Variants in DLGAP2 observed in about 807,000 individuals in gnomAD.
DLGAP2 encodes the protein DLG associated protein 2, also known as disks large-associated protein 2.
DLGAP2 carries 26 observed loss-of-function variants against 100.3 expected under a neutral mutation model. That is an observed-to-expected ratio of 0.26 (90% CI 0.19 to 0.36). The LOEUF is 0.36. Among genes scored for constraint, DLGAP2 ranks in the 10% least tolerant of loss-of-function variants. The probability of loss-of-function intolerance (pLI) is 1.00; values close to 1 mark genes in which losing one functional copy is unlikely to be tolerated. For missense variants in DLGAP2, 1,858 were observed against 1,453.2 expected, an observed-to-expected ratio of 1.28 and a Z score of -4.53; for synonymous variants, 886 against 630.1, an observed-to-expected ratio of 1.41 and a Z score of -6.08.
At chr8:1,155,675 G>C (rs1469990661) in intron 2 of DLGAP2, among the ~76,000 whole-genome samples, 1 of 151,578 alleles carries the variant, frequency 6.6e-6, no homozygotes, top group Non-Finnish European at 1.5e-5. Flanking sequence ...AGGCCCCTCC[G>C]AGGCCCCCAG....
intron 1 of DLGAP2, among the ~76,000 whole-genome samples, chr8:832,564 A>G (rs1309591625): frequency 3.3e-5 from 5 of 152,228 alleles, no homozygotes; most frequent in Non-Finnish European, 5.9e-5. Flanking sequence ...TGATACTATT[A>G]AAGTTTTCTA....
chr8:1,205,694 C>T (rs114008333), intron 2 of DLGAP2, among the ~76,000 whole-genome samples: 1 of 152,174 alleles, frequency 6.6e-6, no homozygotes, highest in Non-Finnish European at 1.5e-5. Flanking sequence ...GACCGGAGCA[C>T]TGGGATTCGG....
chr8:1,419,158 A>T (rs1416870052), intron 3 of DLGAP2, among the ~76,000 whole-genome samples: 1 of 152,134 alleles, frequency 6.6e-6, no homozygotes, highest in African/African-American at 2.4e-5. Context: ...GTTGACTCAT[A>T]ATAATTGTAC....
chr8:1,143,292 C>G (rs1796552370), intron 2 of DLGAP2, among the ~76,000 whole-genome samples: 1 of 152,182 alleles, frequency 6.6e-6, no homozygotes, highest in African/African-American at 2.4e-5. Context: ...ACATAGACAT[C>G]CTAAGCAGGG....
At chr8:1,297,299 C>G (rs1800204590) in intron 3 of DLGAP2, 1 of 152,254 alleles carries the variant, frequency 6.6e-6, no homozygotes, top group Admixed American at 6.5e-5. Context: ...AAAAACATGT[C>G]TCCCCTGCTG....
intron 2 of DLGAP2, among the ~76,000 whole-genome samples, chr8:1,142,297 A>G (rs936937896): frequency 1.3e-5 from 2 of 152,192 alleles, no homozygotes; most frequent in Non-Finnish European, 1.5e-5. Flanking sequence ...CTGAAGAAAA[A>G]AAGTACGACA....
intron 12 of DLGAP2, among the ~76,000 whole-genome samples, chr8:1,684,386 G>C (rs1799059015): frequency 6.6e-6 from 1 of 151,978 alleles, no homozygotes; most frequent in African/African-American, 2.4e-5. Context: ...AAGGTAAGAT[G>C]ATAACCTTAA....
intron 1 of DLGAP2, among the ~76,000 whole-genome samples, chr8:876,088 C>T (rs1416478800): frequency 6.6e-6 from 1 of 152,122 alleles, no homozygotes; most frequent in African/African-American, 2.4e-5. Context: ...ATATGTTACA[C>T]ATATATTTTT....
At chr8:1,561,631 G>A (rs1443464855) in intron 5 of DLGAP2, among the ~76,000 whole-genome samples, 3 of 152,214 alleles carry the variant, frequency 2.0e-5, no homozygotes, top group Admixed American at 6.5e-5. Context: ...CTACAGCTGT[G>A]ATCCACCTGC....
intron 2 of DLGAP2, among the ~76,000 whole-genome samples, chr8:1,143,841 G>C (rs1321047752): frequency 3.3e-5 from 5 of 152,198 alleles, no homozygotes; most frequent in African/African-American, 1.2e-4. Context: ...ACCTGCACCT[G>C]TGCCCCTCAC....
intron 3 of DLGAP2, among the ~76,000 whole-genome samples, chr8:1,272,959 AC>A (rs1331885306): frequency 6.6e-6 from 1 of 152,134 alleles, no homozygotes; most frequent in Non-Finnish European, 1.5e-5. Flanking sequence ...GGGTTATGGA[AC>A]CTGGGAAGGA....
At chr8:1,264,624 A>G (rs1206163290) in intron 3 of DLGAP2, among the ~76,000 whole-genome samples, 1 of 152,180 alleles carries the variant, frequency 6.6e-6, no homozygotes, top group Non-Finnish European at 1.5e-5. Context: ...CAGAATCAAA[A>G]TCACAAACTA....
intron 1 of DLGAP2, among the ~76,000 whole-genome samples, chr8:849,836 G>A (rs1174296071): frequency 6.6e-6 from 1 of 152,108 alleles, no homozygotes; most frequent in East Asian, 1.9e-4. Context: ...CCAGCACTTT[G>A]GGAGGCCAAG....
chr8:1,111,256 G>A (rs1423334030), intron 2 of DLGAP2, among the ~76,000 whole-genome samples: 1 of 152,214 alleles, frequency 6.6e-6, no homozygotes, highest in Non-Finnish European at 1.5e-5. Flanking sequence ...CTCCCAGAGT[G>A]ATGGCAGAAA....
intron 3 of DLGAP2, among the ~76,000 whole-genome samples, chr8:1,490,182 G>A (rs774823480): frequency 3.3e-5 from 5 of 152,130 alleles, no homozygotes; most frequent in South Asian, 4.1e-4. Flanking sequence ...GAGCCACTGC[G>A]CCCGGCTTCA....
At chr8:1,376,199 G>A (rs1802383495) in intron 3 of DLGAP2, among the ~76,000 whole-genome samples, 1 of 152,244 alleles carries the variant, frequency 6.6e-6, no homozygotes, top group Admixed American at 6.5e-5. Context: ...GAATGAGGCA[G>A]TAAACTCAGA....
chr8:1,610,295 A>G (rs1796953189), intron 6 of DLGAP2, among the ~76,000 whole-genome samples: 2 of 152,222 alleles, frequency 1.3e-5, no homozygotes, highest in African/African-American at 2.4e-5. Context: ...ACTACTGGGT[A>G]CATAACGAAA....
intron 6 of DLGAP2, among the ~76,000 whole-genome samples, chr8:1,612,492 A>T (rs1246618905): frequency 1.4e-5 from 2 of 145,122 alleles, no homozygotes; most frequent in Non-Finnish European, 3.0e-5. Flanking sequence ...CAAGGACTTC[A>T]TGTCCAGAAC....
rs1032305984 is a variant in DLGAP2 at position 1,673,338 on chromosome 8, T to C, written c.2203-3195T>C. Among the ~76,000 whole-genome samples the C allele has an allele frequency of 2.6e-5, 4 of 152,156 alleles. No individual in the cohort carries two copies. The East Asian group carries it at 7.7e-4, about 29-fold the overall frequency. On this transcript the variant is annotated intron_variant, in intron 10 of 14. Coordinates refer to ENST00000637795, the MANE Select transcript of DLGAP2 (RefSeq NM_001346810.2). ...TTACCTTTCCATTGTATAAAATAAT[T>C]TATTTTCTTTGTCCCAGACTTGCTT... is the stretch of plus-strand genomic sequence containing the variant.
Sources: allele counts gnomAD v4.1 joint callset (sites outside exome capture counted in the v4.1 genomes callset), GRCh38; gene constraint gnomAD v4.1.1; transcripts MANE v1.5; gene names NCBI Gene and HGNC (gene_info 2026-07-23, HGNC 2026-07-21).